Variants in CCDC63 observed in about 807,000 individuals in gnomAD.
CCDC63 encodes coiled-coil domain containing 63, also known as coiled-coil domain-containing protein 63.
A neutral mutation model predicts 63.6 loss-of-function variants in CCDC63; 54 were observed. The observed-to-expected ratio is 0.85, with a 90% CI of 0.68 to 1.07. The LOEUF is 1.07. Among genes scored for constraint, CCDC63 ranks in the 50% least tolerant of loss-of-function variants. The probability of loss-of-function intolerance (pLI) is 0.00; values close to 1 mark genes in which losing one functional copy is unlikely to be tolerated. For synonymous variants in CCDC63, 253 were observed against 266.1 expected (o/e 0.95, Z 0.48); for missense variants, 637 against 689.6 (o/e 0.92, Z 0.86).
chr12:110,884,172 G>T lies in CCDC63; in HGVS notation c.996G>T (p.Lys332Asn), dbSNP rs141094849. Residue 332 changes from lysine to asparagine, a missense_variant, in exon 8 of 12, where the codon AAG (lysine) becomes AAT (asparagine). Physicochemically the swap from Lys to Asn is moderately conservative, Grantham distance 94 (BLOSUM62 0). Transcript: ENST00000308208. ...AAGATTTTCTGGCCAAGGAGGAGAA[G>T]AATTTTGCTCGGTTCACGTATGTCA... Reference protein sequence around the residue: ...LIEDFLAKEEKNFARFTYVTE... With the variant: ...LIEDFLAKEENNFARFTYVTE... The T allele has an allele frequency of 3.7e-6, 6 of 1,613,980 alleles. No individual in the cohort carries two copies. The African/African-American group carries it at 6.7e-5, about 18-fold the overall frequency.
In CCDC63 at chr12:110,897,754, A is replaced by G. The variant is rs184421652; in HGVS notation, c.1150-1179A>G. On this transcript the variant is annotated intron_variant, in intron 9 of 11. Transcript: ENST00000308208. ...CTTGTTTTTTTTTTTTTTTTTTGAG[A>G]TAGAGTCTCGCTCTGTCACCCAGGC... Among the ~76,000 whole-genome samples, 1,230 of 125,644 alleles carry G rather than the reference A, an allele frequency of 9.8e-3. 51 individuals carry two copies. The highest frequency in any genetic ancestry group is 0.072 in the East Asian group (316 of 4,372). 82.4% of individuals were successfully genotyped at this position (125,644 alleles called of 152,430 possible). A position where few individuals can be genotyped will look rare whatever the true frequency, so the allele number is the denominator to read the frequency against.
chr12:110,849,285 G>A (rs2070676672), intron 1 of CCDC63, among the ~76,000 whole-genome samples: 2 of 152,316 alleles, frequency 1.3e-5, no homozygotes. Flanking sequence ...CTAACATGAT[G>A]TCTAGAGGTA....
At chr12:110,859,851 A>G (rs1031699466) in intron 4 of CCDC63, among the ~76,000 whole-genome samples, 8 of 152,178 alleles carry the variant, frequency 5.3e-5, no homozygotes, top group Admixed American at 4.6e-4. Flanking sequence ...TGCGTGATCT[A>G]GCCCCTGCCT....
intron 4 of CCDC63, among the ~76,000 whole-genome samples, chr12:110,860,746 C>A (rs971258784): frequency 6.6e-6 from 1 of 152,050 alleles, no homozygotes; most frequent in Non-Finnish European, 1.5e-5. Flanking sequence ...GGCACCCCCA[C>A]GCCCACCTAA....
chr12:110,868,613 C>G (rs958664773), intron 4 of CCDC63, among the ~76,000 whole-genome samples: 12 of 151,428 alleles, frequency 7.9e-5, no homozygotes, highest in African/African-American at 2.9e-4. Flanking sequence ...CGCAGGCATT[C>G]GGCAGACTGA....
intron 8 of CCDC63, among the ~76,000 whole-genome samples, chr12:110,888,862 G>T (rs11065747): frequency 0.12 from 8,415 of 72,980 alleles, 465 homozygotes; most frequent in East Asian, 0.3. Flanking sequence ...TCCTTCCTTC[G>T]TTTTTCTTTC....
At chr12:110,875,944 AT>A (rs1049031594) in intron 5 of CCDC63, among the ~76,000 whole-genome samples, 3 of 152,052 alleles carry the variant, frequency 2.0e-5, no homozygotes, top group East Asian at 1.9e-4. Flanking sequence ...ATACAAAAAA[AT>A]AAAAATAAAA....
At chr12:110,899,969 T>C (rs2071466520) in intron 10 of CCDC63, among the ~76,000 whole-genome samples, 1 of 151,932 alleles carries the variant, frequency 6.6e-6, no homozygotes. Flanking sequence ...ATTCCAGCAC[T>C]TTGGGAGGCC....
At chr12:110,860,127 T>G (rs2070834092) in intron 4 of CCDC63, among the ~76,000 whole-genome samples, 1 of 152,174 alleles carries the variant, frequency 6.6e-6, no homozygotes, top group African/African-American at 2.4e-5. Context: ...ATTGAAACAC[T>G]AGGGTTCGCA....
chr12:110,867,051 T>C (rs1170690827), intron 4 of CCDC63, among the ~76,000 whole-genome samples: 16 of 107,432 alleles, frequency 1.5e-4, no homozygotes, highest in South Asian at 3.6e-4. Context: ...GAGGGGCTCC[T>C]CACCTCCCAG....
At chr12:110,874,052 T>TA in intron 5 of CCDC63, 91 bp downstream of exon 5, 1 of 1,481,294 alleles carries the variant, frequency 6.8e-7, no homozygotes, top group Non-Finnish European at 9.1e-7. Context: ...TAGCAGAACA[T>TA]ACCCATTTCC....
chr12:110,851,188 T>C (rs1221170522), intron 1 of CCDC63, among the ~76,000 whole-genome samples: 3 of 152,192 alleles, frequency 2.0e-5, no homozygotes, highest in Admixed American at 6.5e-5. Context: ...GTTGCTTTAA[T>C]GGAATATACT....
chr12:110,898,303 A>G (rs975062913), intron 9 of CCDC63, among the ~76,000 whole-genome samples: 1 of 150,350 alleles, frequency 6.7e-6, no homozygotes, highest in Non-Finnish European at 1.5e-5. Context: ...ATAAATAAAT[A>G]AAAATTAAAG....
intron 5 of CCDC63, among the ~76,000 whole-genome samples, chr12:110,878,217 T>C (rs190062404): frequency 6.6e-6 from 1 of 152,196 alleles, no homozygotes; most frequent in African/African-American, 2.4e-5. Context: ...TACATATATA[T>C]ACCTATATGC....
At chr12:110,877,418 T>C (rs776975943) in intron 5 of CCDC63, among the ~76,000 whole-genome samples, 1 of 152,072 alleles carries the variant, frequency 6.6e-6, no homozygotes, top group Non-Finnish European at 1.5e-5. Flanking sequence ...TTCACCATGT[T>C]GGTCAGGCTG....
intron 1 of CCDC63, among the ~76,000 whole-genome samples, chr12:110,852,093 A>G (rs1323762705): frequency 1.3e-5 from 2 of 152,174 alleles, no homozygotes; most frequent in African/African-American, 4.8e-5. Flanking sequence ...TGTGGGATTA[A>G]TGCTGTCCCT....
chr12:110,874,783 A>G (rs1254996755), intron 5 of CCDC63, among the ~76,000 whole-genome samples: 5 of 152,202 alleles, frequency 3.3e-5, no homozygotes, highest in African/African-American at 9.7e-5. Flanking sequence ...GGCCTGAGTC[A>G]CATGGCTACC....
chr12:110,899,476 A>G (rs1219260823), intron 10 of CCDC63, among the ~76,000 whole-genome samples: 1 of 152,008 alleles, frequency 6.6e-6, no homozygotes, highest in Non-Finnish European at 1.5e-5. Context: ...GCACCACCAT[A>G]CACGGCTGAT....
At chr12:110,901,309 T>A (rs1459757694) in intron 10 of CCDC63, among the ~76,000 whole-genome samples, 2 of 152,222 alleles carry the variant, frequency 1.3e-5, no homozygotes, top group Non-Finnish European at 2.9e-5. Flanking sequence ...TTAGTTATTT[T>A]AAAATGTACA....
Sources: gnomAD v4.1 joint callset for allele counts (sites outside exome capture counted in the v4.1 genomes callset) on GRCh38, gnomAD v4.1.1 for gene constraint, MANE v1.5 for transcripts, NCBI Gene and HGNC (gene_info 2026-07-23, HGNC 2026-07-21) for gene names.